The following DPYD variants were observed in gnomAD, a reference collection of about 807,000 sequenced individuals.
DPYD encodes dihydropyrimidine dehydrogenase, also known as dihydropyrimidine dehydrogenase [NADP(+)].
In DPYD, 109 loss-of-function variants were observed where a neutral mutation model predicts 116.2. The ratio of observed to expected loss-of-function variants is 0.94; its 90% CI spans 0.80 to 1.10. The LOEUF is 1.10. Among genes scored for constraint, DPYD ranks in the 50% least tolerant of loss-of-function variants. The probability of loss-of-function intolerance (pLI) is 0.00; values close to 1 mark genes in which losing one functional copy is unlikely to be tolerated. For missense variants in DPYD, 1,302 were observed against 1,254.5 expected (o/e 1.04, Z -0.57); for synonymous variants, 440 against 432.0 (o/e 1.02, Z -0.23).
At chr1:97,861,020 G>T (rs1428620464) in intron 2 of DPYD, among the ~76,000 whole-genome samples, 5 of 151,870 alleles carry the variant, frequency 3.3e-5, no homozygotes, top group Admixed American at 3.3e-4. Context: ...TGCAATAATA[G>T]AAACATAAAT....
intron 15 of DPYD, among the ~76,000 whole-genome samples, chr1:97,377,738 T>C (rs1448069394): frequency 6.6e-6 from 1 of 152,188 alleles, no homozygotes; most frequent in Non-Finnish European, 1.5e-5. Context: ...TCCTGATCAA[T>C]ACAGCTCTAA....
At chr1:97,701,983 C>A (rs1014071003) in intron 5 of DPYD, among the ~76,000 whole-genome samples, 4 of 151,590 alleles carry the variant, frequency 2.6e-5, no homozygotes, top group Non-Finnish European at 5.9e-5. Context: ...TTATTCCCAG[C>A]TACAATTTGT....
chr1:97,763,825 A>G (rs531121519), intron 3 of DPYD, among the ~76,000 whole-genome samples: 20 of 152,182 alleles, frequency 1.3e-4, no homozygotes, highest in African/African-American at 4.8e-4. Context: ...ATTCATCCAA[A>G]CATTTATTAT....
chr1:97,488,416 T>TAC (rs1394685662), intron 13 of DPYD, among the ~76,000 whole-genome samples: 1 of 152,168 alleles, frequency 6.6e-6, no homozygotes, highest in East Asian at 1.9e-4. Flanking sequence ...TAATTATATA[T>TAC]ACACACACAT....
chr1:97,916,296 T>C (rs573060925), intron 1 of DPYD, among the ~76,000 whole-genome samples: 1 of 152,268 alleles, frequency 6.6e-6, no homozygotes, highest in Non-Finnish European at 1.5e-5. Context: ...TAACTCGTCA[T>C]TTAACATTAG....
At chr1:97,861,451 T>C (rs989887598) in intron 2 of DPYD, among the ~76,000 whole-genome samples, 8 of 151,828 alleles carry the variant, frequency 5.3e-5, no homozygotes, top group Admixed American at 3.9e-4. Context: ...AATAAGAACA[T>C]TTATTCATCA....
intron 4 of DPYD, among the ~76,000 whole-genome samples, chr1:97,730,005 CT>C (rs1481704921): frequency 6.6e-6 from 1 of 152,094 alleles, no homozygotes; most frequent in Non-Finnish European, 1.5e-5. Flanking sequence ...AATACTTCAG[CT>C]TTTTTCCAAT....
chr1:97,198,187 C>T (rs1021865021), intron 19 of DPYD, among the ~76,000 whole-genome samples: 4 of 151,954 alleles, frequency 2.6e-5, no homozygotes, highest in East Asian at 1.9e-4. Context: ...GCCAAATTTT[C>T]GGGGGATGCT....
intron 12 of DPYD, among the ~76,000 whole-genome samples, chr1:97,539,372 C>T (rs1321576873): frequency 2.0e-5 from 3 of 152,052 alleles, no homozygotes; most frequent in South Asian, 4.1e-4. Context: ...TTTTCCTTTT[C>T]ATTTCTTGCC....
In DPYD at chr1:97,225,405, T is replaced by C. The variant is rs551427308; in HGVS notation, c.2442+9447A>G. ...CATTTATGTCTCCTTTGGTCCATTATTTACTCAGGTTCTTTACTCAAAGAT... is the reference window on the plus strand; with the variant it reads ...CATTTATGTCTCCTTTGGTCCATTACTTACTCAGGTTCTTTACTCAAAGAT... On this transcript the variant is annotated intron_variant, in intron 19 of 22. Transcript: ENST00000370192. Among the ~76,000 whole-genome samples, 9 of 152,128 alleles carry C rather than the reference T, an allele frequency of 5.9e-5. No homozygotes were observed. In the East Asian group the frequency reaches 1.7e-3, roughly 29 times the overall value.
intron 8 of DPYD, among the ~76,000 whole-genome samples, chr1:97,653,870 T>C (rs1213981747): frequency 1.3e-5 from 2 of 152,142 alleles, no homozygotes; most frequent in African/African-American, 2.4e-5. Context: ...ACATAAGGTA[T>C]GGTCCTTATA....
At chr1:97,506,394 G>A (rs1647334175) in intron 13 of DPYD, among the ~76,000 whole-genome samples, 2 of 151,812 alleles carry the variant, frequency 1.3e-5, no homozygotes, top group Non-Finnish European at 1.5e-5. Context: ...ATTTTTAACT[G>A]GTTAAATTTA....
At chr1:97,743,007 T>C (rs1664352444) in intron 3 of DPYD, among the ~76,000 whole-genome samples, 1 of 152,130 alleles carries the variant, frequency 6.6e-6, no homozygotes, top group Non-Finnish European at 1.5e-5. Context: ...AGTTATAATG[T>C]CAGCAGATAT....
At chr1:97,191,221 T>C (rs1658336061) in intron 20 of DPYD, among the ~76,000 whole-genome samples, 1 of 151,780 alleles carries the variant, frequency 6.6e-6, no homozygotes, top group Non-Finnish European at 1.5e-5. Flanking sequence ...AAAAAAATTA[T>C]AGGACCAAAA....
chr1:97,135,151 C>T (rs992412306), intron 20 of DPYD, among the ~76,000 whole-genome samples: 1 of 152,068 alleles, frequency 6.6e-6, no homozygotes, highest in Non-Finnish European at 1.5e-5. Flanking sequence ...CTCGAGCATA[C>T]TTCTTTTGAG....
intron 5 of DPYD, among the ~76,000 whole-genome samples, chr1:97,703,747 C>A (rs1243006960): frequency 6.6e-6 from 1 of 151,860 alleles, no homozygotes; most frequent in Non-Finnish European, 1.5e-5. Context: ...ACATATAATG[C>A]AATAGATATA....
intron 20 of DPYD, among the ~76,000 whole-genome samples, chr1:97,187,237 A>C (rs759198399): frequency 3.3e-5 from 5 of 152,048 alleles, no homozygotes; most frequent in Non-Finnish European, 7.4e-5. Flanking sequence ...CCTCACCTAC[A>C]TCTGTTATTT....
At chr1:97,250,140 T>C (rs1194451720) in intron 18 of DPYD, among the ~76,000 whole-genome samples, 1 of 151,832 alleles carries the variant, frequency 6.6e-6, no homozygotes, top group Non-Finnish European at 1.5e-5. Context: ...TGTGGTGGTG[T>C]GTGCCTGTAA....
chr1:97,255,330 G>T (rs1663377690), intron 18 of DPYD, among the ~76,000 whole-genome samples: 2 of 152,100 alleles, frequency 1.3e-5, no homozygotes, highest in Admixed American at 1.3e-4. Flanking sequence ...GTTTAGGAGG[G>T]TGATATGGTT....
Sources: allele counts gnomAD v4.1 joint callset (sites outside exome capture counted in the v4.1 genomes callset), GRCh38; gene constraint gnomAD v4.1.1; transcripts MANE v1.5; gene names NCBI Gene and HGNC (gene_info 2026-07-23, HGNC 2026-07-21).